Variants in PLCD3 observed in about 807,000 individuals in gnomAD.
PLCD3 encodes the protein 1-phosphatidylinositol 4,5-bisphosphate phosphodiesterase delta-3.
Under a neutral mutation model 82.8 loss-of-function variants are expected in PLCD3, and 62 were observed. The observed-to-expected ratio is 0.75, with a 90% confidence interval of 0.61 to 0.93. The LOEUF is 0.93. Ranked by LOEUF, PLCD3 falls within the 40% of genes least tolerant of loss-of-function variation. The pLI, the probability that PLCD3 is intolerant of heterozygous loss-of-function variation, is 0.00. For missense variants in PLCD3, 1,023 were observed against 1,103.4 expected (o/e 0.93, Z 1.03); for synonymous variants, 478 against 471.8 (o/e 1.01, Z -0.17).
chr17:45,127,668 T>C (rs1366902377), intron 1 of PLCD3, among the ~76,000 whole-genome samples: 1 of 150,822 alleles, frequency 6.6e-6, no homozygotes, highest in African/African-American at 2.4e-5. Flanking sequence ...GCAGGGAGGG[T>C]GGGAGTTCTG....
chr17:45,118,672 C>T lies in PLCD3; in HGVS notation c.913+143G>A. The stretch of plus-strand genomic sequence containing the variant: ...CTGGGAGGAAGACAAACTGTTGTGC[C>T]ATTTTACACATGTGGAAGCTGAGTC... On this transcript the variant is annotated intron_variant, in intron 5 of 14. Transcript: ENST00000619929. The surrounding 1 kb of genome is among the most constrained non-coding windows in gnomAD (Gnocchi z 4.1). The T allele has an allele frequency of 9.0e-7, 1 of 1,108,938 alleles. No homozygotes were observed. Among genetic ancestry groups the T allele is most frequent in the Non-Finnish European group, 1.3e-6 (1 of 787,380 alleles). 68.7% of individuals were successfully genotyped at this position (1,108,938 alleles called of 1,614,324 possible).
chr17:45,112,231 G>C lies in PLCD3; in HGVS notation c.*385C>G. The C allele has an allele frequency of 4.2e-6, 1 of 237,598 alleles. No individual in the cohort carries two copies. Among genetic ancestry groups the C allele is most frequent in the Non-Finnish European group, 8.4e-6 (1 of 119,546 alleles). 14.7% of individuals were successfully genotyped at this position (237,598 alleles called of 1,614,324 possible). On this transcript the variant is annotated 3_prime_UTR_variant, in exon 15 of 15. Coordinates refer to ENST00000619929, the MANE Select transcript of PLCD3 (RefSeq NM_133373.5). ...AAGTGGAGTGACTGCGCTCCTCTGGGGGAAGGAGGCTGGGATGGCCCACGG... is the reference window on the plus strand; with the variant it reads ...AAGTGGAGTGACTGCGCTCCTCTGGCGGAAGGAGGCTGGGATGGCCCACGG...
intron 1 of PLCD3, among the ~76,000 whole-genome samples, chr17:45,129,449 C>A (rs2054403966): frequency 6.6e-6 from 1 of 152,146 alleles, no homozygotes; most frequent in Non-Finnish European, 1.5e-5. Flanking sequence ...GCCTGGGTGA[C>A]AGAATGAGAC....
intron 1 of PLCD3, among the ~76,000 whole-genome samples, chr17:45,124,810 C>T (rs1598035356): frequency 6.6e-6 from 1 of 152,358 alleles, no homozygotes; most frequent in Non-Finnish European, 1.5e-5. Flanking sequence ...CTGCCTTGAT[C>T]CTGTAGCTGC....
At position 45,114,306 on chromosome 17, in the gene PLCD3, C is replaced by T. The variant is rs1181967609; in HGVS notation, c.1772G>A (p.Arg591Gln). 7.7e-6 allele frequency: 12 copies of T among 1,549,082 alleles called. No individual in the cohort carries two copies. Among genetic ancestry groups the T allele is most frequent in the Admixed American group, 2.0e-5 (1 of 50,390 alleles). Residue 591 changes from arginine to glutamine, a missense_variant, in exon 11 of 15, where the codon CGG becomes CAG. By Grantham distance (43) the Arg-to-Gln change is conservative. This residue lies in a region of PLCD3 where 553 missense variants were observed against 655.7 expected (regional missense o/e 0.84). Transcript: ENST00000619929. ...QLTRVYPLGL[R>Q]MNSANYSPQE... ...GGGACTGTAGTTGGCTGAGTTCATC[C>T]GCAGCCCCAGCGGGTACACGCGGGT...
intron 8 of PLCD3, 31 bp from the exon 9 acceptor site, chr17:45,115,521 T>C: frequency 6.4e-7 from 1 of 1,573,630 alleles, no homozygotes; most frequent in South Asian, 1.1e-5. Context: ...GATGAAGGGT[T>C]AGGCCTTCTC....
At chr17:45,131,629 G>A (rs1341322205) in intron 1 of PLCD3, among the ~76,000 whole-genome samples, 1 of 152,234 alleles carries the variant, frequency 6.6e-6, no homozygotes, top group Non-Finnish European at 1.5e-5. Flanking sequence ...CACCACCTGT[G>A]TAACCCACCC....
intron 4 of PLCD3, among the ~76,000 whole-genome samples, chr17:45,119,870 C>T (rs1224976497): frequency 6.6e-6 from 1 of 152,228 alleles, no homozygotes; most frequent in Non-Finnish European, 1.5e-5. Flanking sequence ...CCAGCTGGGC[C>T]ATAGCTGCAG....
At position 45,118,883 on chromosome 17, in the gene PLCD3, T is replaced by C; in HGVS notation, c.845A>G (p.Gln282Arg). 2 of 1,612,476 alleles carry C rather than the reference T, an allele frequency of 1.2e-6. No homozygotes were observed. Among genetic ancestry groups the C allele is most frequent in the Non-Finnish European group, 1.7e-6 (2 of 1,179,846 alleles). The change falls in exon 5 of 15, where the codon CAG (glutamine) becomes CGG (arginine). Residue 282 changes from glutamine to arginine, a missense_variant. Gln to Arg is a conservative substitution (Grantham distance 43). Transcript: ENST00000619929. The surrounding 1 kb of genome is among the most constrained non-coding windows in gnomAD (Gnocchi z 4.1). ...APELLEFLEDQGEEGATLARA... is the reference protein window; with the variant it reads ...APELLEFLEDRGEEGATLARA... ...GGCCAGTGTGGCGCCCTCCTCGCCC[T>C]GGTCCTCCAGGAACTCCAGCAGCTC...
At chr17:45,123,964 C>CACCT (rs1555610231) in intron 1 of PLCD3, among the ~76,000 whole-genome samples, 36 of 145,232 alleles carry the variant, frequency 2.5e-4, no homozygotes, top group African/African-American at 6.9e-4. Flanking sequence ...AGACCCCCCC[C>CACCT]CCAACCAGGT....
At chr17:45,121,175 A>G in intron 2 of PLCD3, 36 bp downstream of exon 2, 1 of 1,540,026 alleles carries the variant, frequency 6.5e-7, no homozygotes, top group East Asian at 2.4e-5. Flanking sequence ...GCCTGTCCCC[A>G]CCTCCCTGTC....
Position 45,118,285 on chromosome 17 carries a change from C to A in PLCD3, c.1115+6G>T. The A allele has an allele frequency of 6.2e-7, 1 of 1,614,000 alleles. No individual in the cohort carries two copies. Among genetic ancestry groups the A allele is most frequent in the South Asian group, 1.1e-5 (1 of 91,084 alleles). On this transcript the variant is annotated splice_donor_region_variant and intron_variant, in intron 6 of 14. Coordinates refer to ENST00000619929, the MANE Select transcript of PLCD3 (RefSeq NM_133373.5). This position sits in a 1 kb window ranked among gnomAD's most constrained non-coding sequence, Gnocchi z 4.1. ...TCCCGGAAACATTCACCCCCTGCTACAGTACCTAACATAGGCCTCGGTGCT... is the reference window on the plus strand; with the variant it reads ...TCCCGGAAACATTCACCCCCTGCTAAAGTACCTAACATAGGCCTCGGTGCT...
At position 45,114,294 on chromosome 17, in the gene PLCD3, G is replaced by T; in HGVS notation, c.1784C>A (p.Ala595Asp). The change falls in exon 11 of 15, where the codon GCC becomes GAC. Residue 595 changes from alanine to aspartate, a missense_variant. Ala to Asp is a moderately radical substitution (Grantham distance 126, BLOSUM62 -2). Coordinates refer to ENST00000619929, the MANE Select transcript of PLCD3 (RefSeq NM_133373.5). ...VYPLGLRMNSANYSPQEMWNS... is the reference protein window; with the variant it reads ...VYPLGLRMNSDNYSPQEMWNS... ...CCACATCTCCTGGGGACTGTAGTTG[G>T]CTGAGTTCATCCGCAGCCCCAGCGG... 1.3e-6 allele frequency: 2 copies of T among 1,548,492 alleles called. No individual in the cohort carries two copies. The highest frequency in any genetic ancestry group is 1.7e-6 in the Non-Finnish European group (2 of 1,145,828).
chr17:45,114,168 A>C (rs2054270515), intron 11 of PLCD3, 82 bp downstream of exon 11: 5 of 1,008,984 alleles, frequency 5.0e-6, no homozygotes, highest in Non-Finnish European at 7.1e-6. Flanking sequence ...ACCGTCTGGA[A>C]GGCTGTGTGG....
At chr17:45,113,701 G>A in intron 11 of PLCD3, 96 bp from the exon 12 acceptor site, 1 of 1,425,784 alleles carries the variant, frequency 7.0e-7, no homozygotes, top group Middle Eastern at 2.3e-4. Context: ...AAGGGCCTGG[G>A]GTCCCACTGT....
chr17:45,119,077 G>C (rs2054316887), intron 4 of PLCD3, 34 bp from the exon 5 acceptor site: 3 of 1,535,936 alleles, frequency 2.0e-6, no homozygotes, highest in Non-Finnish European at 2.7e-6. Context: ...AGAGGAGGCA[G>C]ACACTCCAGG....
At chr17:45,129,897 CTCCCTGCCCTAG>C (rs1256588207) in intron 1 of PLCD3, among the ~76,000 whole-genome samples, 3 of 152,218 alleles carry the variant, frequency 2.0e-5, no homozygotes, top group African/African-American at 7.2e-5. Flanking sequence ...CTCTAAGCCA[CTCCCTGCCCTAG>C]TCCCTTGACC....
At chr17:45,120,291 G>A (rs1377496272) in intron 4 of PLCD3, 34 bp downstream of exon 4, 1 of 1,613,354 alleles carries the variant, frequency 6.2e-7, no homozygotes, top group African/African-American at 1.3e-5. Context: ...AGTGATGGCA[G>A]AGCCAGGGGC....
chr17:45,128,093 C>T (rs2054394986), intron 1 of PLCD3, among the ~76,000 whole-genome samples: 1 of 152,160 alleles, frequency 6.6e-6, no homozygotes, highest in Admixed American at 6.5e-5. Context: ...CAGCAGGCAG[C>T]CTCCACACCT....
Sources: gnomAD v4.1 joint callset for allele counts (sites outside exome capture counted in the v4.1 genomes callset) on GRCh38, gnomAD v4.1.1 for gene constraint, gnomAD v4.1.1 regional missense constraint, Gnocchi (gnomAD v3.1) non-coding constraint, MANE v1.5 for transcripts, NCBI Gene and HGNC (gene_info 2026-07-23, HGNC 2026-07-21) for gene names.